Variants in WDR7 observed in about 807,000 individuals in gnomAD.
WDR7 encodes WD repeat domain 7, also known as WD repeat-containing protein 7.
WDR7 carries 46 observed loss-of-function variants against 169.4 expected under a neutral mutation model. The observed-to-expected ratio is 0.27, with a 90% CI of 0.21 to 0.35. The LOEUF (loss-of-function observed/expected upper bound fraction) is 0.35. WDR7 is among the 10% of genes least tolerant of loss of function. The pLI is 1.00. For missense variants in WDR7, 1,534 were observed against 1,859.3 expected (o/e 0.83, Z 3.22); for synonymous variants, 612 against 666.8 (o/e 0.92, Z 1.27).
chr18:56,794,304 A>ATTTTTTTTTTTTTTTTTT (rs566857049), intron 19 of WDR7, among the ~76,000 whole-genome samples: 700 of 49,452 alleles, frequency 0.014, 242 homozygotes, highest in Middle Eastern at 0.11. Flanking sequence ...GGTAAAGTCT[A>ATTTTTTTTTTTTTTTTTT]TTTTTTTTTT....
At chr18:56,986,937 C>T (rs1185734475) in intron 26 of WDR7, among the ~76,000 whole-genome samples, 1 of 151,976 alleles carries the variant, frequency 6.6e-6, no homozygotes, top group Admixed American at 6.6e-5. Context: ...GCTTAGGCAA[C>T]AGTTCAGTAA....
intron 26 of WDR7, among the ~76,000 whole-genome samples, chr18:56,990,001 A>G (rs2047787010): frequency 6.6e-6 from 1 of 152,216 alleles, no homozygotes; most frequent in East Asian, 1.9e-4. Context: ...TTTAAGTGGA[A>G]AGTTAACACT....
intron 20 of WDR7, among the ~76,000 whole-genome samples, chr18:56,848,472 G>A (rs1055136200): frequency 3.3e-5 from 5 of 152,248 alleles, no homozygotes; most frequent in Admixed American, 2.0e-4. Flanking sequence ...AGGACCATTG[G>A]GAAGGCATGA....
chr18:56,727,530 G>A (rs764197340), intron 13 of WDR7, among the ~76,000 whole-genome samples: 11 of 152,184 alleles, frequency 7.2e-5, no homozygotes, highest in Non-Finnish European at 1.5e-4. Flanking sequence ...GCAGAAGGGA[G>A]GAGTGCTGAG....
chr18:56,886,148 A>C (rs2145503913), intron 21 of WDR7, among the ~76,000 whole-genome samples: 1 of 152,320 alleles, frequency 6.6e-6, no homozygotes, highest in African/African-American at 2.4e-5. Flanking sequence ...ATTTATCACA[A>C]AAAGATCATG....
At chr18:56,894,465 A>G in intron 21 of WDR7, among the ~76,000 whole-genome samples, 1 of 151,790 alleles carries the variant, frequency 6.6e-6, no homozygotes, top group East Asian at 1.9e-4. Context: ...TGCTTGGTTA[A>G]CTCCTTCACT....
rs1197366898 is a variant in WDR7, at chr18:57,028,649, A to G, written c.*1442A>G. 6.6e-6 allele frequency: 1 copy of G among 152,242 alleles called. No individual in the cohort carries two copies. The highest frequency in any genetic ancestry group is 1.5e-5 in the Non-Finnish European group (1 of 68,038). The allele number at this position is 152,242 out of a possible 1,614,324, so 9.4% of individuals were successfully genotyped here. On this transcript the variant is annotated 3_prime_UTR_variant, in exon 28 of 28. Transcript: ENST00000254442. ...TAGTCTTAAAAGTTTAGGTTGTCAG[A>G]GTTTATCTGATATACAAAAAAGTAG...
chr18:56,737,016 G>A (rs893149713), intron 14 of WDR7, among the ~76,000 whole-genome samples: 1 of 152,190 alleles, frequency 6.6e-6, no homozygotes, highest in African/African-American at 2.4e-5. Flanking sequence ...GTCATTTTCA[G>A]TGGAAGAGAA....
intron 20 of WDR7, among the ~76,000 whole-genome samples, chr18:56,869,359 C>T (rs1453930347): frequency 6.6e-6 from 1 of 152,108 alleles, no homozygotes; most frequent in Non-Finnish European, 1.5e-5. Context: ...TATTGTGTTC[C>T]AGCAGGGGGC....
At chr18:56,693,561 GTTTTTTTTTTTGTTT>G (rs1255499862) in intron 9 of WDR7, among the ~76,000 whole-genome samples, 5 of 98,756 alleles carry the variant, frequency 5.1e-5, no homozygotes, top group African/African-American at 1.4e-4. Context: ...AATTTTGTTG[GTTTTTTTTTTTGTTT>G]TTTTTTTTTT....
chr18:56,866,174 C>T (rs1181768699), intron 20 of WDR7, among the ~76,000 whole-genome samples: 2 of 152,134 alleles, frequency 1.3e-5, no homozygotes, highest in East Asian at 3.8e-4. Flanking sequence ...ACTTAACTTT[C>T]CTTATCTATA....
In WDR7 at chr18:56,879,996, A is replaced by G. The variant is rs199962511; in HGVS notation, c.3357A>G (p.Glu1119=). The G allele has an allele frequency of 8.1e-6, 13 of 1,613,994 alleles. No homozygotes were observed. Among genetic ancestry groups the G allele is most frequent in the Non-Finnish European group, 1.0e-5 (12 of 1,179,990 alleles). ...QMKKISTSYE[E]RRKQATAIVL... is the part of the protein sequence containing the mutation. ...AAAAAATTTCTACATCTTACGAGGAAAGACGGAAGCAAGCTACCGCTATTG... is the reference window on the plus strand; with the variant it reads ...AAAAAATTTCTACATCTTACGAGGAGAGACGGAAGCAAGCTACCGCTATTG... The change falls in exon 21 of 28, where the codon GAA becomes GAG. Residue 1119 remains glutamate (E), a synonymous_variant. Coordinates refer to ENST00000254442, the MANE Select transcript of WDR7 (RefSeq NM_015285.3).
intron 26 of WDR7, among the ~76,000 whole-genome samples, chr18:56,963,853 T>C (rs1221751062): frequency 6.6e-6 from 1 of 152,094 alleles, no homozygotes; most frequent in African/African-American, 2.4e-5. Flanking sequence ...TCAGATTCTC[T>C]TTTGTTAAGA....
chr18:56,999,934 A>G (rs945381869), intron 26 of WDR7, among the ~76,000 whole-genome samples: 1 of 152,170 alleles, frequency 6.6e-6, no homozygotes, highest in Non-Finnish European at 1.5e-5. Context: ...TCTCCTGTCA[A>G]CAAAATTCCC....
intron 1 of WDR7, among the ~76,000 whole-genome samples, chr18:56,665,490 T>G (rs1406836001): frequency 4.8e-5 from 1 of 20,730 alleles, no homozygotes; most frequent in Non-Finnish European, 3.4e-3. Flanking sequence ...TAAAAGGCAG[T>G]CATATTACTG....
intron 19 of WDR7, among the ~76,000 whole-genome samples, chr18:56,796,987 T>C (rs1429635172): frequency 6.6e-6 from 1 of 152,120 alleles, no homozygotes. Flanking sequence ...CTGGGACCTT[T>C]ATAGTGGTCC....
At position 56,796,298 on chromosome 18, in the gene WDR7, T is replaced by C. The variant is rs2044584915; in HGVS notation, c.3190+14642T>C. Among the ~76,000 whole-genome samples the C allele has an allele frequency of 2.0e-5, 3 of 152,328 alleles. 1 individual carries two copies. The Middle Eastern group carries it at 0.01, about 518-fold the overall frequency. On this transcript the variant is annotated intron_variant, in intron 19 of 27. Transcript: ENST00000254442. Reference sequence around the variant, plus strand: ...CACCTCCATTTGAAGATTTCTTTACTACCCTACTGGCTCACTCCCTCTCCC... The same window carrying C: ...CACCTCCATTTGAAGATTTCTTTACCACCCTACTGGCTCACTCCCTCTCCC...
chr18:56,737,796 T>C (rs1490209712), intron 14 of WDR7, among the ~76,000 whole-genome samples: 1 of 152,144 alleles, frequency 6.6e-6, no homozygotes, highest in Non-Finnish European at 1.5e-5. Context: ...ACAAGCCAAA[T>C]GACATTGTGT....
intron 25 of WDR7, among the ~76,000 whole-genome samples, chr18:56,953,445 C>A (rs947482415): frequency 6.6e-6 from 1 of 152,180 alleles, no homozygotes; most frequent in Non-Finnish European, 1.5e-5. Flanking sequence ...AAATAGGAAT[C>A]AAAAAATTGA....
Sources: gnomAD v4.1 joint callset for allele counts (sites outside exome capture counted in the v4.1 genomes callset) on GRCh38, gnomAD v4.1.1 for gene constraint, MANE v1.5 for transcripts, NCBI Gene and HGNC (gene_info 2026-07-23, HGNC 2026-07-21) for gene names.